GAK: variants seen among roughly 807,000 people sequenced by gnomAD.
GAK encodes cyclin G associated kinase.
A neutral mutation model predicts 143.9 loss-of-function variants in GAK; 79 were observed. That is an observed-to-expected ratio of 0.55 (90% CI 0.46 to 0.66). The LOEUF is 0.66. Ranked by LOEUF, GAK falls within the 30% of genes least tolerant of loss-of-function variation. The probability of loss-of-function intolerance (pLI) is 0.00; values close to 1 mark genes in which losing one functional copy is unlikely to be tolerated. For synonymous variants in GAK, 881 were observed against 765.5 expected (o/e 1.15, Z -2.49); for missense variants, 1,693 against 1,779.7 (o/e 0.95, Z 0.88).
rs1320612104 is a variant in GAK, at chr4:870,840, C to T, written c.2119G>A (p.Val707Met). 1.2e-6 allele frequency: 2 copies of T among 1,614,142 alleles called. No homozygotes were observed. The highest frequency in any genetic ancestry group is 1.7e-6 in the Non-Finnish European group (2 of 1,180,010). Residue 707 changes from valine to methionine, a missense_variant, in exon 19 of 28, where the codon GTG becomes ATG. Transcript: ENST00000314167. ...GGCCTGTCCCTGGGCTCCACCTCCA[C>T]TTCCAGGTTCACTTGAAATAAATCC... ...YPDLFQVNLEVEVEPRDRPSR... is the reference protein window; with the variant it reads ...YPDLFQVNLEMEVEPRDRPSR...
intron 9 of GAK, 71 bp downstream of exon 9, chr4:893,306 G>A: frequency 2.6e-6 from 3 of 1,140,804 alleles, no homozygotes; most frequent in South Asian, 1.7e-5. Flanking sequence ...CCCCTCTGCG[G>A]GGGATCTGGG....
chr4:865,579 C>G (rs559362971), intron 22 of GAK, among the ~76,000 whole-genome samples: 7 of 152,358 alleles, frequency 4.6e-5, no homozygotes, highest in African/African-American at 1.7e-4. Context: ...CTCCTAAAAC[C>G]CACCAGAGCC....
chr4:904,827 G>A, intron 4 of GAK, 48 bp from the exon 5 acceptor site: 1 of 1,592,510 alleles, frequency 6.3e-7, no homozygotes, highest in Non-Finnish European at 8.6e-7. Flanking sequence ...AGGGTCCGGA[G>A]ACAGGGAACC....
chr4:856,295 ACCCCTGCT>A (rs1749150277), intron 24 of GAK, among the ~76,000 whole-genome samples: 2 of 123,952 alleles, frequency 1.6e-5, no homozygotes, highest in African/African-American at 7.2e-5. Context: ...ACAGCTGCTC[ACCCCTGCT>A]CACCACAGCT....
chr4:881,293 G>A (rs1441217714), intron 15 of GAK, among the ~76,000 whole-genome samples: 1 of 152,214 alleles, frequency 6.6e-6, no homozygotes, highest in African/African-American at 2.4e-5. Context: ...CAGAGGCTAG[G>A]AGGCTGCTCC....
intron 4 of GAK, among the ~76,000 whole-genome samples, chr4:910,580 C>T (rs1244478933): frequency 6.6e-6 from 1 of 152,120 alleles, no homozygotes; most frequent in Non-Finnish European, 1.5e-5. Flanking sequence ...TTCAGGCCTG[C>T]GCTAGCCGGC....
At position 890,619 on chromosome 4, in the gene GAK, G is replaced by A; in HGVS notation, c.994C>T (p.Leu332=). The A allele has an allele frequency of 6.2e-7, 1 of 1,610,080 alleles. No homozygotes were observed. Among genetic ancestry groups the A allele is most frequent in the Non-Finnish European group, 8.5e-7 (1 of 1,179,020 alleles). Residue 332 remains leucine (L), a synonymous_variant, in exon 10 of 28, where the codon CTG becomes TTG. Coordinates refer to ENST00000314167, the MANE Select transcript of GAK (RefSeq NM_005255.4). ...CTCCCGTAGCCTCCATTCTGCTCCA[G>A]GAGCTGTGACAATGAAAATGCAGAG... ...VNPKSPITEL[L]EQNGGYGSAT...
Position 867,050 on chromosome 4 carries a change from CG to C in GAK, c.2777del (p.Pro926ArgfsTer19). ...GPPEAASQGPPEDLLSEDPLL... is the reference protein window; with the variant it reads ...GPPEAASQGPXEDLLSEDPLL... ...GCGGGTCCTCGCTGAGCAGATCCTC[CG>C]GGGGCCCCTGGGAGGCGGCCTCAGG... is the stretch of plus-strand genomic sequence containing the variant. On this transcript the variant is annotated frameshift_variant, in exon 21 of 28. Coordinates refer to ENST00000314167, the MANE Select transcript of GAK (RefSeq NM_005255.4). LOFTEE classifies it high-confidence loss of function. 2.6e-6 allele frequency: 4 copies of C among 1,522,002 alleles called. No homozygotes were observed. The highest frequency in any genetic ancestry group is 2.6e-6 in the Non-Finnish European group (3 of 1,135,442). The allele number at this position is 1,522,002 out of a possible 1,614,324, so 94.3% of individuals were successfully genotyped here.
intron 1 of GAK, among the ~76,000 whole-genome samples, chr4:916,949 G>A (rs559427295): frequency 2.6e-5 from 4 of 152,306 alleles, no homozygotes; most frequent in African/African-American, 9.6e-5. Context: ...TCCATCAACA[G>A]GTGAATGAAC....
chr4:914,312 C>A (rs1320132890), intron 1 of GAK, among the ~76,000 whole-genome samples: 1 of 120,470 alleles, frequency 8.3e-6, no homozygotes, highest in African/African-American at 3.3e-5. Context: ...CAAGGCCCCA[C>A]ACACACAGCC....
At chr4:920,232 C>G (rs751035934) in intron 1 of GAK, among the ~76,000 whole-genome samples, 1 of 150,580 alleles carries the variant, frequency 6.6e-6, no homozygotes, top group Non-Finnish European at 1.5e-5. Flanking sequence ...GGCATGAACC[C>G]GGGAGGCGGA....
chr4:908,364 C>A (rs576930584), intron 4 of GAK, among the ~76,000 whole-genome samples: 1 of 152,248 alleles, frequency 6.6e-6, no homozygotes, highest in African/African-American at 2.4e-5. Context: ...ACGAAGCGAC[C>A]GCACCACGTG....
intron 18 of GAK, among the ~76,000 whole-genome samples, chr4:873,039 A>C (rs1424722386): frequency 1.3e-5 from 2 of 151,896 alleles, no homozygotes; most frequent in East Asian, 3.9e-4. Context: ...CTCACCACGC[A>C]GGGAACACGC....
chr4:908,131 C>T (rs1235367093), intron 4 of GAK, among the ~76,000 whole-genome samples: 5 of 152,190 alleles, frequency 3.3e-5, no homozygotes, highest in Admixed American at 1.3e-4. Context: ...TTTCTGATCT[C>T]GGAAATGACA....
chr4:902,358 C>T (rs1720030117), intron 5 of GAK, among the ~76,000 whole-genome samples: 1 of 151,754 alleles, frequency 6.6e-6, no homozygotes, highest in African/African-American at 2.4e-5. Context: ...GGAATCGACC[C>T]CTTTCAGAGG....
chr4:913,872 C>T (rs1193519041), intron 1 of GAK: 20 of 472,724 alleles, frequency 4.2e-5, no homozygotes, highest in Middle Eastern at 6.0e-4. Context: ...CCAGCGTGCA[C>T]GGCCCCCCCA....
At chr4:931,682 G>C (rs1037050435) in intron 1 of GAK, among the ~76,000 whole-genome samples, 1 of 151,994 alleles carries the variant, frequency 6.6e-6, no homozygotes, top group Non-Finnish European at 1.5e-5. Flanking sequence ...CTCCCTGCCT[G>C]CCACCATCCC....
chr4:874,767 T>C (rs1229910110), intron 18 of GAK, among the ~76,000 whole-genome samples: 2 of 152,200 alleles, frequency 1.3e-5, no homozygotes, highest in Non-Finnish European at 2.9e-5. Flanking sequence ...CAATGATTTT[T>C]CAAGTATTAT....
At chr4:868,502 C>A (rs1393361133) in intron 20 of GAK, 37 bp downstream of exon 20, 2 of 1,592,022 alleles carry the variant, frequency 1.3e-6, no homozygotes, top group Admixed American at 1.7e-5. Context: ...CAGGGGCCTG[C>A]CCTCTGCAAG....
Sources: allele counts gnomAD v4.1 joint callset (sites outside exome capture counted in the v4.1 genomes callset), GRCh38; gene constraint gnomAD v4.1.1; transcripts MANE v1.5; gene names NCBI Gene and HGNC (gene_info 2026-07-23, HGNC 2026-07-21).